The following SPON2 variants were observed in gnomAD, a reference collection of about 807,000 sequenced individuals.
SPON2 encodes the protein spondin 2, also known as spondin-2.
Under a neutral mutation model 29.9 loss-of-function variants are expected in SPON2, and 32 were observed. The ratio of observed to expected loss-of-function variants is 1.07; its 90% CI spans 0.81 to 1.44. The LOEUF is 1.44. Among genes scored for constraint, SPON2 ranks in the 40% most tolerant of loss-of-function variants. The pLI is 0.00. For missense variants in SPON2, 541 were observed against 455.5 expected, an observed-to-expected ratio of 1.19 and a Z score of -1.71; for synonymous variants, 248 against 209.1, an observed-to-expected ratio of 1.19 and a Z score of -1.61.
intron 5 of SPON2, among the ~76,000 whole-genome samples, chr4:1,168,718 G>A (rs528882264): frequency 6.6e-6 from 1 of 152,344 alleles, no homozygotes; most frequent in East Asian, 1.9e-4. Context: ...CTGCAATGAG[G>A]AGTCAGTGAG....
At chr4:1,190,181 T>G (rs6839063) in intron 1 of SPON2, among the ~76,000 whole-genome samples, 1 of 151,046 alleles carries the variant, frequency 6.6e-6, no homozygotes, top group Non-Finnish European at 1.5e-5. Context: ...ATAATCTAAA[T>G]GAAATGAACA....
Position 1,167,507 on chromosome 4 carries a change from C to T in SPON2, c.961G>A (p.Glu321Lys), listed in dbSNP as rs1050383163. 1.3e-5 allele frequency: 21 copies of T among 1,613,710 alleles called. No homozygotes were observed. The highest frequency in any genetic ancestry group is 1.7e-5 in the Non-Finnish European group (20 of 1,179,990). Reference sequence around the variant, plus strand: ...TTATCAGGGACGCACTCAGCCTCTTCTTCGAGCTCGGGGCAGGGGCTCCCG... The same window carrying T: ...TTATCAGGGACGCACTCAGCCTCTTTTTCGAGCTCGGGGCAGGGGCTCCCG... ...NNGSPCPELE[E>K]EAECVPDNCV is the part of the protein sequence containing the mutation. Residue 321 changes from glutamate (E) to lysine (K), a missense_variant, in exon 6 of 6, where the codon GAA (glutamate) becomes AAA (lysine). Coordinates refer to ENST00000290902, the MANE Select transcript of SPON2 (RefSeq NM_012445.4).
At chr4:1,185,433 T>G (rs1727773336) in intron 1 of SPON2, among the ~76,000 whole-genome samples, 1 of 151,592 alleles carries the variant, frequency 6.6e-6, no homozygotes, top group Admixed American at 6.6e-5. Flanking sequence ...TGCAAAAGAA[T>G]GAAGTTGGTC....
At chr4:1,179,932 G>C (rs765217985) in intron 1 of SPON2, among the ~76,000 whole-genome samples, 2 of 152,008 alleles carry the variant, frequency 1.3e-5, no homozygotes, top group Admixed American at 6.6e-5. Flanking sequence ...GAACTTTGCA[G>C]TTGCCCAAGG....
At chr4:1,174,306 G>A (rs555318060), upstream of SPON2, among the ~76,000 whole-genome samples, 65 of 152,134 alleles carry the variant, frequency 4.3e-4, no homozygotes, top group Middle Eastern at 3.4e-3. Context: ...GGCCAACATG[G>A]TGAAGCCCCA....
chr4:1,204,120 G>T (rs1416760746), intron 1 of SPON2, among the ~76,000 whole-genome samples: 2 of 152,110 alleles, frequency 1.3e-5, no homozygotes, highest in Non-Finnish European at 2.9e-5. Flanking sequence ...GGTCCCCCCA[G>T]CTTGGCCTCC....
intron 1 of SPON2, among the ~76,000 whole-genome samples, chr4:1,200,369 G>A (rs1488789209): frequency 3.3e-5 from 5 of 152,142 alleles, no homozygotes. Flanking sequence ...AGGGTGGGTC[G>A]GGGCTGGGGA....
upstream of SPON2, among the ~76,000 whole-genome samples, chr4:1,174,099 C>T (rs1207452539): frequency 2.0e-5 from 3 of 152,146 alleles, no homozygotes; most frequent in Admixed American, 6.5e-5. Context: ...AGTCAGGAGA[C>T]TGTGTCTGTG....
intron 1 of SPON2, among the ~76,000 whole-genome samples, chr4:1,203,235 A>G (rs1269345573): frequency 6.6e-6 from 1 of 152,172 alleles, no homozygotes; most frequent in Non-Finnish European, 1.5e-5. Context: ...GGGATGGACT[A>G]AGACCCTTCC....
In SPON2 at chr4:1,171,868, C is replaced by T. The variant is rs1327145344; in HGVS notation, c.204G>A (p.Gln68=). Residue 68 remains glutamine (Q), a synonymous_variant, in exon 2 of 6, where the codon CAG becomes CAA. Transcript: ENST00000290902. ...TGTACTTACCCAGCAGCGAAGACCA[C>T]TGCGCAGGGGGGCGGAACAGGGGGT... ...KQYPLFRPPA[Q]WSSLLGAAHS... is the part of the protein sequence containing the mutation. 6.2e-7 allele frequency: 1 copy of T among 1,612,796 alleles called. No individual in the cohort carries two copies. Among genetic ancestry groups the T allele is most frequent in the Non-Finnish European group, 8.5e-7 (1 of 1,179,772 alleles).
chr4:1,173,333 G>A (rs1170668563), upstream of SPON2: 10 of 153,902 alleles, frequency 6.5e-5, no homozygotes, highest in African/African-American at 2.4e-4. Context: ...CTGGAGGGAG[G>A]TCAGAGTGGG....
chr4:1,198,513 T>A (rs1042555879), upstream of SPON2, among the ~76,000 whole-genome samples: 1 of 151,960 alleles, frequency 6.6e-6, no homozygotes, highest in Non-Finnish European at 1.5e-5. Context: ...TAGACAAATA[T>A]CACTTTTCGC....
upstream of SPON2, among the ~76,000 whole-genome samples, chr4:1,176,175 T>C (rs533137975): frequency 3.9e-5 from 6 of 152,132 alleles, no homozygotes; most frequent in East Asian, 9.6e-4. Flanking sequence ...GACTCCATGC[T>C]CTCAGAGTCT....
At chr4:1,191,304 C>A (rs541463482) in intron 1 of SPON2, among the ~76,000 whole-genome samples, 2 of 152,210 alleles carry the variant, frequency 1.3e-5, no homozygotes, top group African/African-American at 2.4e-5. Context: ...CAAAAATAAA[C>A]CCCTACTTTT....
chr4:1,172,505 G>C (rs1727491398), intron 1 of SPON2, 39 bp downstream of exon 1: 1 of 213,038 alleles, frequency 4.7e-6, no homozygotes, highest in Admixed American at 5.4e-5. Context: ...CAGGAGGCCC[G>C]GGCCCTCTCT....
chr4:1,187,310 A>ATCTCT (rs535193866), intron 1 of SPON2, among the ~76,000 whole-genome samples: 47 of 152,388 alleles, frequency 3.1e-4, no homozygotes, highest in East Asian at 1.9e-3. Context: ...TGAGGTACTT[A>ATCTCT]GAATAGTCAC....
upstream of SPON2, chr4:1,208,396 G>C (rs1307672540): frequency 6.6e-6 from 1 of 152,302 alleles, no homozygotes; most frequent in East Asian, 1.9e-4. Context: ...TCCTGCCAAG[G>C]CCCCCGGAGC....
intron 1 of SPON2, among the ~76,000 whole-genome samples, chr4:1,204,527 C>T (rs899474380): frequency 1.7e-4 from 26 of 152,224 alleles, no homozygotes; most frequent in Admixed American, 1.6e-3. Context: ...GAGCGACCCA[C>T]GCACCAGCTC....
intron 1 of SPON2, among the ~76,000 whole-genome samples, chr4:1,194,351 C>CG (rs1727988509): frequency 1.3e-5 from 2 of 152,178 alleles, no homozygotes; most frequent in African/African-American, 4.8e-5. Context: ...ACTTCAGAGG[C>CG]GGTTCAAGGA....
Sources: allele counts gnomAD v4.1 joint callset (sites outside exome capture counted in the v4.1 genomes callset), GRCh38; gene constraint gnomAD v4.1.1; transcripts MANE v1.5; gene names NCBI Gene and HGNC (gene_info 2026-07-23, HGNC 2026-07-21).